PDGFC: variants seen among roughly 807,000 people sequenced by gnomAD.
PDGFC encodes platelet-derived growth factor C.
PDGFC carries 12 observed loss-of-function variants against 35.5 expected under a neutral mutation model. The ratio of observed to expected loss-of-function variants is 0.34; its 90% CI spans 0.22 to 0.55. The LOEUF (loss-of-function observed/expected upper bound fraction) is 0.55. Ranked by LOEUF, PDGFC falls within the 20% of genes least tolerant of loss-of-function variation. The pLI is 0.91. For missense variants in PDGFC, 322 were observed against 412.4 expected, an observed-to-expected ratio of 0.78 and a Z score of 1.90; for synonymous variants, 159 against 148.8, an observed-to-expected ratio of 1.07 and a Z score of -0.50.
At chr4:156,819,832 C>A (rs1020197972) in intron 2 of PDGFC, among the ~76,000 whole-genome samples, 1 of 152,158 alleles carries the variant, frequency 6.6e-6, no homozygotes, top group African/African-American at 2.4e-5. Context: ...GCAGAGTAAA[C>A]TGAAAATCTT....
chr4:156,797,887 C>T (rs1486998104), intron 3 of PDGFC, among the ~76,000 whole-genome samples: 4 of 151,974 alleles, frequency 2.6e-5, no homozygotes, highest in Admixed American at 1.3e-4. Context: ...ACCTTTAGAC[C>T]GACATTAAAA....
At chr4:156,901,900 C>T (rs1331566294) in intron 1 of PDGFC, among the ~76,000 whole-genome samples, 1 of 152,148 alleles carries the variant, frequency 6.6e-6, no homozygotes, top group Non-Finnish European at 1.5e-5. Flanking sequence ...GCATGAGCCA[C>T]GGAGCCTGGC....
intron 3 of PDGFC, among the ~76,000 whole-genome samples, chr4:156,784,895 A>G (rs1731079859): frequency 6.6e-6 from 1 of 152,256 alleles, no homozygotes; most frequent in South Asian, 2.1e-4. Flanking sequence ...ATCTTAAGGA[A>G]ATAATCAGAA....
intron 3 of PDGFC, among the ~76,000 whole-genome samples, chr4:156,807,733 A>C (rs994924226): frequency 5.3e-5 from 8 of 152,040 alleles, no homozygotes; most frequent in Non-Finnish European, 1.5e-5. Context: ...AGTCCCAAAG[A>C]AGGCTACAGG....
At chr4:156,949,648 G>C (rs908591617) in intron 1 of PDGFC, among the ~76,000 whole-genome samples, 4 of 151,846 alleles carry the variant, frequency 2.6e-5, no homozygotes, top group Admixed American at 2.0e-4. Flanking sequence ...GTTTGAAAAG[G>C]AATTTCTTCC....
intron 1 of PDGFC, among the ~76,000 whole-genome samples, chr4:156,871,584 A>G (rs1729984950): frequency 6.6e-6 from 1 of 152,186 alleles, no homozygotes; most frequent in African/African-American, 2.4e-5. Context: ...ATTTTTATAC[A>G]TAAACTAAAT....
rs148293430 is a variant in PDGFC, at chr4:156,887,670, A to T, written c.119-37254T>A. On this transcript the variant is annotated intron_variant, in intron 1 of 5. Transcript: ENST00000502773. ...TTGAAACTTATTCCGTGAATAGTTC[A>T]AAAAGCTTTCTAATAGATATCTCCC... is the stretch of plus-strand genomic sequence containing the variant. 1.3e-3 allele frequency among the ~76,000 whole-genome samples: 195 copies of T among 152,334 alleles called. 1 individual carries two copies. The highest frequency in any genetic ancestry group is 4.1e-3 in the African/African-American group (170 of 41,564).
intron 1 of PDGFC, among the ~76,000 whole-genome samples, chr4:156,931,767 G>T (rs1372828076): frequency 1.3e-5 from 2 of 151,942 alleles, no homozygotes; most frequent in Non-Finnish European, 2.9e-5. Flanking sequence ...TATACTTACA[G>T]TGGAACATAT....
At chr4:156,871,519 T>G (rs530762640) in intron 1 of PDGFC, among the ~76,000 whole-genome samples, 5 of 152,246 alleles carry the variant, frequency 3.3e-5, no homozygotes, top group Admixed American at 3.3e-4. Flanking sequence ...ACCTTATCTA[T>G]TATCAATCTC....
At chr4:156,830,547 G>A (rs1728902059) in intron 2 of PDGFC, among the ~76,000 whole-genome samples, 1 of 152,098 alleles carries the variant, frequency 6.6e-6, no homozygotes, top group Admixed American at 6.5e-5. Context: ...CAACCTGGGC[G>A]AGACAGTATA....
intron 1 of PDGFC, among the ~76,000 whole-genome samples, chr4:156,935,747 C>T (rs963654610): frequency 1.3e-5 from 2 of 152,148 alleles, no homozygotes; most frequent in African/African-American, 4.8e-5. Flanking sequence ...CTTGTAAGAG[C>T]CATAGCAGCA....
At chr4:156,891,513 C>A (rs1261038953) in intron 1 of PDGFC, among the ~76,000 whole-genome samples, 1 of 152,012 alleles carries the variant, frequency 6.6e-6, no homozygotes, top group Non-Finnish European at 1.5e-5. Flanking sequence ...TTAAGACTAG[C>A]ATGATTCTCT....
At chr4:156,916,620 G>T (rs1279528098) in intron 1 of PDGFC, among the ~76,000 whole-genome samples, 1 of 152,152 alleles carries the variant, frequency 6.6e-6, no homozygotes, top group Non-Finnish European at 1.5e-5. Context: ...CTATGCTGTT[G>T]TCTCGCTGTC....
intron 3 of PDGFC, among the ~76,000 whole-genome samples, chr4:156,778,584 C>G (rs563900993): frequency 4.6e-5 from 7 of 152,058 alleles, no homozygotes; most frequent in Non-Finnish European, 1.0e-4. Context: ...ACATCTTTCC[C>G]CTTTTTTAGA....
intron 3 of PDGFC, among the ~76,000 whole-genome samples, chr4:156,796,456 G>A (rs1731442870): frequency 1.3e-5 from 2 of 150,194 alleles, no homozygotes; most frequent in African/African-American, 4.9e-5. Context: ...TATCCTTGGG[G>A]AAAATTAGGC....
At chr4:156,898,970 T>C (rs1579086024) in intron 1 of PDGFC, among the ~76,000 whole-genome samples, 2 of 152,346 alleles carry the variant, frequency 1.3e-5, no homozygotes, top group East Asian at 1.9e-4. Context: ...TTCTTCTTAA[T>C]ACCAAAAATG....
intron 1 of PDGFC, among the ~76,000 whole-genome samples, chr4:156,963,567 A>G (rs1239429523): frequency 6.6e-6 from 1 of 152,144 alleles, no homozygotes; most frequent in Non-Finnish European, 1.5e-5. Flanking sequence ...TGGAATAGCA[A>G]GAGAGCAAAT....
At chr4:156,903,887 G>T (rs929788753) in intron 1 of PDGFC, among the ~76,000 whole-genome samples, 3 of 152,102 alleles carry the variant, frequency 2.0e-5, no homozygotes, top group African/African-American at 7.2e-5. Context: ...CAAGACTCTA[G>T]ACCCAAAGAT....
At chr4:156,889,495 T>C (rs1192239864) in intron 1 of PDGFC, among the ~76,000 whole-genome samples, 1 of 152,202 alleles carries the variant, frequency 6.6e-6, no homozygotes, top group African/African-American at 2.4e-5. Flanking sequence ...GGATTCCAAT[T>C]TGGGTCACCT....
Sources: gnomAD v4.1 joint callset for allele counts (sites outside exome capture counted in the v4.1 genomes callset) on GRCh38, gnomAD v4.1.1 for gene constraint, MANE v1.5 for transcripts, NCBI Gene and HGNC (gene_info 2026-07-23, HGNC 2026-07-21) for gene names.